TULP4: variants seen among roughly 807,000 people sequenced by gnomAD.
TULP4 encodes the protein TUB like protein 4.
A neutral mutation model predicts 129.0 loss-of-function variants in TULP4; 16 were observed. That is an observed-to-expected ratio of 0.12 (90% CI 0.08 to 0.19). The LOEUF is 0.19. TULP4 is among the 10% of genes least tolerant of loss of function. The pLI, the probability that TULP4 is intolerant of heterozygous loss-of-function variation, is 1.00. For missense variants in TULP4, 1,842 were observed against 2,059.1 expected (o/e 0.89, Z 2.04); for synonymous variants, 998 against 854.0 (o/e 1.17, Z -2.94).
At position 158,312,990 on chromosome 6, in the gene TULP4, C is replaced by T. The variant is rs907723117; in HGVS notation, c.-1027C>T. The T allele has an allele frequency of 6.6e-6, 1 of 152,502 alleles. No individual in the cohort carries two copies. The highest frequency in any genetic ancestry group is 2.4e-5 in the African/African-American group (1 of 41,462). The allele number at this position is 152,502 out of a possible 1,614,324, so 9.4% of individuals were successfully genotyped here. On this transcript the variant is annotated 5_prime_UTR_variant, in exon 1 of 14. Coordinates refer to ENST00000367097, the MANE Select transcript of TULP4 (RefSeq NM_020245.5). ...CTGATGGACTTAATTCTAAGATTAG[C>T]TTTTTTCATCAAGATGGAAAAAGAT...
chr6:158,265,630 C>T (rs901664642), intron 1 of TULP4, among the ~76,000 whole-genome samples: 1 of 150,538 alleles, frequency 6.6e-6, no homozygotes, highest in Non-Finnish European at 1.5e-5. Flanking sequence ...TGCAGTGAGC[C>T]AAAATCGTGC....
chr6:158,278,947 T>G (rs1196161000), upstream of TULP4, among the ~76,000 whole-genome samples: 38 of 149,456 alleles, frequency 2.5e-4, no homozygotes, highest in Admixed American at 1.8e-3. Flanking sequence ...TTTTGTTTTT[T>G]TTTTTTTTTT....
chr6:158,423,803 G>A (rs1778410794), intron 2 of TULP4, among the ~76,000 whole-genome samples: 1 of 152,020 alleles, frequency 6.6e-6, no homozygotes, highest in South Asian at 2.1e-4. Flanking sequence ...ACCACACCCG[G>A]CTAATTTTTT....
intron 1 of TULP4, among the ~76,000 whole-genome samples, chr6:158,254,606 T>G (rs1778212209): frequency 6.6e-6 from 1 of 152,266 alleles, no homozygotes; most frequent in African/African-American, 2.4e-5. Flanking sequence ...ACCCCTAGTT[T>G]ACAAAGTATT....
chr6:158,486,544 C>T (rs1780075118), intron 8 of TULP4, among the ~76,000 whole-genome samples: 2 of 151,086 alleles, frequency 1.3e-5, no homozygotes, highest in South Asian at 4.2e-4. Flanking sequence ...CAGAGCAAGA[C>T]TCGTCTCAAA....
chr6:158,239,196 A>C (rs1271955569), intron 1 of TULP4, among the ~76,000 whole-genome samples: 23 of 40,492 alleles, frequency 5.7e-4, no homozygotes, highest in Admixed American at 1.3e-3. Flanking sequence ...GACCCCCCCC[A>C]CCTCCCTCCC....
At chr6:158,303,819 C>A (rs766209709) in intron 1 of TULP4, among the ~76,000 whole-genome samples, 2 of 152,196 alleles carry the variant, frequency 1.3e-5, no homozygotes, top group Non-Finnish European at 2.9e-5. Flanking sequence ...TGCATTCTTA[C>A]AACTTGTAAT....
intron 1 of TULP4, among the ~76,000 whole-genome samples, chr6:158,363,619 G>A (rs1780850931): frequency 6.6e-6 from 1 of 152,130 alleles, no homozygotes; most frequent in African/African-American, 2.4e-5. Flanking sequence ...GAGTAGCTGG[G>A]ACTACAGGCA....
At chr6:158,480,811 T>G (rs1210430446) in intron 7 of TULP4, among the ~76,000 whole-genome samples, 3 of 152,198 alleles carry the variant, frequency 2.0e-5, no homozygotes, top group Non-Finnish European at 4.4e-5. Context: ...GATCCTGATT[T>G]CATTGTCTGA....
chr6:158,285,707 T>C lies in TULP4; in HGVS notation n.116+3329T>C, dbSNP rs545320823. Among the ~76,000 whole-genome samples, 4 of 152,366 alleles carry C rather than the reference T, an allele frequency of 2.6e-5. No homozygotes were observed. The South Asian group carries it at 8.3e-4, about 32-fold the overall frequency. ...ATGGGCACGGGTCCATTGTTAGCTT[T>C]GTTCCCCTGTCGCCCTGCCCTGCCC... On this transcript the variant is annotated intron_variant and non_coding_transcript_variant, in intron 1 of 1. Coordinates refer to the TULP4 transcript ENST00000432358.
intron 1 of TULP4, among the ~76,000 whole-genome samples, chr6:158,393,579 C>G (rs903691277): frequency 3.3e-5 from 5 of 152,190 alleles, no homozygotes; most frequent in African/African-American, 9.7e-5. Flanking sequence ...TTCTGTGCAC[C>G]CATAGGCCCA....
chr6:158,464,418 C>T (rs1779509812), intron 6 of TULP4, among the ~76,000 whole-genome samples: 1 of 152,166 alleles, frequency 6.6e-6, no homozygotes, highest in African/African-American at 2.4e-5. Context: ...GGCTTGAAGT[C>T]AGGAGAAACA....
At chr6:158,431,257 G>T (rs1313589153) in intron 3 of TULP4, among the ~76,000 whole-genome samples, 1 of 152,116 alleles carries the variant, frequency 6.6e-6, no homozygotes, top group Non-Finnish European at 1.5e-5. Flanking sequence ...TTTCTCCTGT[G>T]TGACAAGGAC....
At chr6:158,254,805 C>T (rs185305524) in intron 1 of TULP4, among the ~76,000 whole-genome samples, 85 of 152,346 alleles carry the variant, frequency 5.6e-4, no homozygotes, top group Admixed American at 1.6e-3. Context: ...GGTGCCGTGG[C>T]TCACGCTTGT....
At chr6:158,259,499 G>A (rs544133043) in intron 1 of TULP4, among the ~76,000 whole-genome samples, 103 of 152,352 alleles carry the variant, frequency 6.8e-4, no homozygotes, top group African/African-American at 2.4e-3. Flanking sequence ...CCTGTATGCA[G>A]TAATCCAAGG....
intron 3 of TULP4, among the ~76,000 whole-genome samples, chr6:158,443,400 AGCTACCAT>A (rs1354487500): frequency 6.6e-6 from 1 of 152,132 alleles, no homozygotes; most frequent in Non-Finnish European, 1.5e-5. Context: ...TACAGGCATG[AGCTACCAT>A]GCCTGGCCGT....
intron 1 of TULP4, among the ~76,000 whole-genome samples, chr6:158,276,775 G>A (rs1337287258): frequency 6.6e-6 from 1 of 152,014 alleles, no homozygotes. Flanking sequence ...TATGCAAGCA[G>A]TATATTTACA....
intron 1 of TULP4, among the ~76,000 whole-genome samples, chr6:158,327,067 T>C (rs938983600): frequency 6.6e-6 from 1 of 152,220 alleles, no homozygotes; most frequent in African/African-American, 2.4e-5. Context: ...GTACTATGAT[T>C]TTCTCATTTG....
chr6:158,489,639 G>T lies in TULP4; in HGVS notation c.1538G>T (p.Cys513Phe). 1.9e-6 allele frequency: 3 copies of T among 1,614,244 alleles called. No individual in the cohort carries two copies. The highest frequency in any genetic ancestry group is 2.5e-6 in the Non-Finnish European group (3 of 1,180,052). ...TCTACTGTGATCGACAGCTGCAACT[G>T]CTCAGACTCCAGTGACATTGAGCTG... is the stretch of plus-strand genomic sequence containing the variant. ...LISTVIDSCN[C>F]SDSSDIELSD... The change falls in exon 9 of 14, where the codon TGC (cysteine) becomes TTC (phenylalanine). Residue 513 changes from cysteine (C) to phenylalanine (F), a missense_variant. Transcript: ENST00000367097.
Sources: gnomAD v4.1 joint callset for allele counts (sites outside exome capture counted in the v4.1 genomes callset) on GRCh38, gnomAD v4.1.1 for gene constraint, MANE v1.5 for transcripts, NCBI Gene and HGNC (gene_info 2026-07-23, HGNC 2026-07-21) for gene names.